The following DAPK1 variants were observed in gnomAD, a reference collection of about 807,000 sequenced individuals.
DAPK1 encodes the protein death associated protein kinase 1, also known as death-associated protein kinase 1.
In DAPK1, 56 loss-of-function variants were observed where a neutral mutation model predicts 144.9. That is an observed-to-expected ratio of 0.39 (90% CI 0.31 to 0.48). The LOEUF (loss-of-function observed/expected upper bound fraction) is 0.48. Ranked by LOEUF, DAPK1 falls within the 20% of genes least tolerant of loss-of-function variation. The pLI, the probability that DAPK1 is intolerant of heterozygous loss-of-function variation, is 0.95. For synonymous variants in DAPK1, 690 were observed against 749.0 expected (o/e 0.92, Z 1.29); for missense variants, 1,454 against 1,875.4 (o/e 0.78, Z 4.15).
intron 21 of DAPK1, among the ~76,000 whole-genome samples, chr9:87,688,132 A>G (rs998598708): frequency 9.0e-6 from 1 of 111,084 alleles, no homozygotes; most frequent in Non-Finnish European, 1.7e-5. Flanking sequence ...TATTGTTGCC[A>G]TCTTTACATC....
intron 3 of DAPK1, among the ~76,000 whole-genome samples, chr9:87,608,305 G>A (rs777725210): frequency 2.0e-5 from 3 of 152,228 alleles, no homozygotes; most frequent in Non-Finnish European, 4.4e-5. Context: ...ATGCATTGGA[G>A]ATTTGTGCAT....
chr9:87,673,873 G>A (rs547129590), intron 19 of DAPK1, among the ~76,000 whole-genome samples: 66 of 152,196 alleles, frequency 4.3e-4, no homozygotes, highest in African/African-American at 1.5e-3. Flanking sequence ...GAGAGCCCGC[G>A]CTTGGCTGTA....
intron 2 of DAPK1, among the ~76,000 whole-genome samples, chr9:87,546,457 C>T (rs1313828797): frequency 6.6e-6 from 1 of 152,058 alleles, no homozygotes; most frequent in Non-Finnish European, 1.5e-5. Flanking sequence ...AATTGTGGCC[C>T]ATAGGAGGTA....
intron 2 of DAPK1, among the ~76,000 whole-genome samples, chr9:87,583,094 A>G (rs559858929): frequency 1.3e-5 from 2 of 152,262 alleles, no homozygotes; most frequent in South Asian, 2.1e-4. Context: ...TCTTTCTGTT[A>G]TTAATAGAAT....
chr9:87,670,169 T>C (rs1831207821), intron 19 of DAPK1, among the ~76,000 whole-genome samples: 1 of 152,104 alleles, frequency 6.6e-6, no homozygotes, highest in South Asian at 2.1e-4. Flanking sequence ...CCTTTTCGTT[T>C]ACAGGCAAAA....
chr9:87,701,949 G>A lies in DAPK1; in HGVS notation c.2872-1080G>A, dbSNP rs139347401. ...GGAATCTGTCACAGAAACCAGGGGC[G>A]GTGATCTGGGAACTAACAGTGGTCT... On this transcript the variant is annotated intron_variant, in intron 24 of 25. Coordinates refer to ENST00000408954, the MANE Select transcript of DAPK1 (RefSeq NM_004938.4). The A allele has an allele frequency of 2.8e-3, 1,278 of 457,554 alleles. 18 individuals carry two copies. Among genetic ancestry groups the A allele is most frequent in the African/African-American group, 0.023 (1,168 of 49,734 alleles). 28.3% of individuals were successfully genotyped at this position (457,554 alleles called of 1,614,324 possible). A position where few individuals can be genotyped will look rare whatever the true frequency, so the allele number is the denominator to read the frequency against.
intron 25 of DAPK1, among the ~76,000 whole-genome samples, chr9:87,705,298 G>T (rs975438148): frequency 9.7e-5 from 14 of 144,318 alleles, no homozygotes; most frequent in African/African-American, 3.1e-4. Flanking sequence ...CTGGAGTGCA[G>T]TGGCACAATC....
At chr9:87,697,678 T>C (rs1384349265) in intron 22 of DAPK1, among the ~76,000 whole-genome samples, 1 of 152,066 alleles carries the variant, frequency 6.6e-6, no homozygotes, top group Non-Finnish European at 1.5e-5. Context: ...AGAGGCCGGG[T>C]GCAGTGGTTC....
chr9:87,637,685 A>G (rs950310166), intron 3 of DAPK1, among the ~76,000 whole-genome samples: 1 of 152,200 alleles, frequency 6.6e-6, no homozygotes, highest in Non-Finnish European at 1.5e-5. Context: ...TCTTCACAGC[A>G]TTTCATCTCT....
intron 3 of DAPK1, among the ~76,000 whole-genome samples, chr9:87,630,751 C>T (rs763832234): frequency 2.0e-5 from 3 of 152,104 alleles, no homozygotes; most frequent in Non-Finnish European, 4.4e-5. Flanking sequence ...ATCGGAGGAT[C>T]TTAAAATACC....
intron 20 of DAPK1, among the ~76,000 whole-genome samples, chr9:87,683,615 A>G (rs1032075975): frequency 1.3e-5 from 2 of 152,146 alleles, no homozygotes; most frequent in Non-Finnish European, 2.9e-5. Context: ...CCTGGGAGTC[A>G]CCTGTGGCTC....
chr9:87,540,855 A>G (rs993417557), intron 2 of DAPK1, among the ~76,000 whole-genome samples: 8 of 152,186 alleles, frequency 5.3e-5, no homozygotes, highest in Non-Finnish European at 8.8e-5. Context: ...TACTTGACCT[A>G]TAATTGTTGA....
intron 15 of DAPK1, 67 bp downstream of exon 15, chr9:87,648,946 C>A: frequency 1.5e-6 from 2 of 1,357,966 alleles, no homozygotes; most frequent in Non-Finnish European, 2.1e-6. Flanking sequence ...CCAGATGGTA[C>A]AGTCGGGGCC....
intron 2 of DAPK1, among the ~76,000 whole-genome samples, chr9:87,578,502 G>A (rs1023874137): frequency 4.6e-5 from 7 of 152,200 alleles, no homozygotes; most frequent in African/African-American, 1.2e-4. Flanking sequence ...ATTGCTAGAA[G>A]TAGATGCACT....
intron 2 of DAPK1, among the ~76,000 whole-genome samples, chr9:87,510,999 G>C (rs1824817890): frequency 1.3e-5 from 2 of 152,188 alleles, no homozygotes; most frequent in African/African-American, 4.8e-5. Context: ...GAGAGGGAGA[G>C]CGACAGTATA....
chr9:87,672,843 G>C (rs1308480055), intron 19 of DAPK1, among the ~76,000 whole-genome samples: 4 of 152,180 alleles, frequency 2.6e-5, no homozygotes, highest in African/African-American at 9.7e-5. Context: ...GCATCGCTGA[G>C]GATTGTGGGG....
rs181112998 is a variant in DAPK1, at chr9:87,567,863, G to A, written c.63-37091G>A. On this transcript the variant is annotated intron_variant, in intron 2 of 25. Coordinates refer to ENST00000408954, the MANE Select transcript of DAPK1 (RefSeq NM_004938.4). ...GATTGGCTAGCGATCGTTTCCATGG[G>A]CATACTGCTCCATCATTTCCAAATG... Among the ~76,000 whole-genome samples, 23 of 152,294 alleles carry A rather than the reference G, an allele frequency of 1.5e-4. 1 individual carries two copies. The highest frequency in any genetic ancestry group is 5.3e-4 in the African/African-American group (22 of 41,558).
Position 87,652,900 on chromosome 9 carries a change from T to A in DAPK1, c.1824+1176T>A, listed in dbSNP as rs11141930. ...CCTGATTCTGTGTGCTCCCACCTGA[T>A]CCCGGGTCCTGATTCTGTGTTCTCT... On this transcript the variant is annotated intron_variant, in intron 17 of 25. Transcript: ENST00000408954. Among the ~76,000 whole-genome samples the A allele has an allele frequency of 4.2e-3, 537 of 128,514 alleles. 1 individual carries two copies. The highest frequency in any genetic ancestry group is 7.2e-3 in the South Asian group (24 of 3,326). The allele number at this position is 128,514 out of a possible 152,430, so 84.3% of individuals were successfully genotyped here. A position where few individuals can be genotyped will look rare whatever the true frequency, so the allele number is the denominator to read the frequency against.
At chr9:87,544,723 C>T (rs936701628) in intron 2 of DAPK1, among the ~76,000 whole-genome samples, 1 of 152,102 alleles carries the variant, frequency 6.6e-6, no homozygotes. Flanking sequence ...GCATGTAAGA[C>T]TTCAAACTGG....
Sources: allele counts gnomAD v4.1 joint callset (sites outside exome capture counted in the v4.1 genomes callset), GRCh38; gene constraint gnomAD v4.1.1; transcripts MANE v1.5; gene names NCBI Gene and HGNC (gene_info 2026-07-23, HGNC 2026-07-21).